Variants in TAFA4 observed in about 807,000 individuals in gnomAD.
The protein encoded by TAFA4 is TAFA chemokine like family member 4, also known as chemokine-like protein TAFA-4.
In TAFA4, 20 loss-of-function variants were observed where a neutral mutation model predicts 21.1. The ratio of observed to expected loss-of-function variants is 0.95; its 90% CI spans 0.67 to 1.38. The LOEUF (loss-of-function observed/expected upper bound fraction) is 1.38. Ranked by LOEUF, TAFA4 falls within the 40% of genes most tolerant of loss-of-function variation. TAFA4 has a pLI of 0.00. For missense variants in TAFA4, 211 were observed against 180.9 expected (o/e 1.17, Z -0.95); for synonymous variants, 71 against 67.4 (o/e 1.05, Z -0.26).
At chr3:68,790,911 C>A (rs1393997744) in intron 3 of TAFA4, among the ~76,000 whole-genome samples, 4 of 152,158 alleles carry the variant, frequency 2.6e-5, no homozygotes, top group Non-Finnish European at 5.9e-5. Context: ...TATGGCAACC[C>A]CCAATGTGTG....
Position 68,732,940 on chromosome 3 carries a change from G to T in TAFA4, c.*202C>A. The T allele has an allele frequency of 1.7e-6, 1 of 599,532 alleles. No individual in the cohort carries two copies. The highest frequency in any genetic ancestry group is 2.8e-6 in the Non-Finnish European group (1 of 351,806). 37.1% of individuals were successfully genotyped at this position (599,532 alleles called of 1,614,324 possible). On this transcript the variant is annotated 3_prime_UTR_variant, in exon 6 of 6. Coordinates refer to ENST00000295569, the MANE Select transcript of TAFA4 (RefSeq NM_182522.5). ...GGATGTCAAATGGGTGGTGGCTTGTGGTTATAATTCAATGAAATAAAATCA... is the reference window on the plus strand; with the variant it reads ...GGATGTCAAATGGGTGGTGGCTTGTTGTTATAATTCAATGAAATAAAATCA...
At chr3:68,823,476 T>TG (rs1704157979) in intron 3 of TAFA4, among the ~76,000 whole-genome samples, 1 of 152,202 alleles carries the variant, frequency 6.6e-6, no homozygotes, top group Non-Finnish European at 1.5e-5. Context: ...GGGGTACATG[T>TG]GCAGGACATA....
At chr3:68,834,948 T>G (rs1175160526) in intron 3 of TAFA4, among the ~76,000 whole-genome samples, 7 of 152,038 alleles carry the variant, frequency 4.6e-5, no homozygotes, top group Non-Finnish European at 1.0e-4. Flanking sequence ...TCTGTCTCCC[T>G]CTGCTCAAAA....
At chr3:68,907,003 C>T (rs1388104971) in intron 1 of TAFA4, among the ~76,000 whole-genome samples, 4 of 116,176 alleles carry the variant, frequency 3.4e-5, no homozygotes, top group South Asian at 5.9e-4. Context: ...TGCACTGCAA[C>T]CTGGGTGATA....
At chr3:68,747,366 T>C (rs1559757462) in intron 4 of TAFA4, among the ~76,000 whole-genome samples, 4 of 152,108 alleles carry the variant, frequency 2.6e-5, no homozygotes, top group African/African-American at 9.7e-5. Context: ...GTGCAAGGTA[T>C]TTGAATCATG....
intron 2 of TAFA4, among the ~76,000 whole-genome samples, chr3:68,884,830 C>T (rs561423434): frequency 1.1e-3 from 167 of 152,320 alleles, no homozygotes; most frequent in Non-Finnish European, 1.7e-3. Context: ...AATAAGTTCC[C>T]TGTCTCTAAA....
chr3:68,835,364 T>C (rs1174779089), intron 3 of TAFA4, among the ~76,000 whole-genome samples: 1 of 152,182 alleles, frequency 6.6e-6, no homozygotes, highest in Non-Finnish European at 1.5e-5. Context: ...GAGGGCAAAA[T>C]GTTTCCGCAG....
chr3:68,746,615 T>A (rs1046041282), intron 4 of TAFA4, among the ~76,000 whole-genome samples: 1 of 152,194 alleles, frequency 6.6e-6, no homozygotes, highest in African/African-American at 2.4e-5. Context: ...CCATACCAAC[T>A]TGACCCAGCT....
At chr3:68,812,945 T>C (rs944248822) in intron 3 of TAFA4, among the ~76,000 whole-genome samples, 2 of 152,046 alleles carry the variant, frequency 1.3e-5, no homozygotes, top group African/African-American at 4.8e-5. Context: ...CCTCAGCAAA[T>C]GTAAAAGAAC....
intron 3 of TAFA4, among the ~76,000 whole-genome samples, chr3:68,853,904 C>T (rs1394321638): frequency 6.6e-6 from 1 of 152,082 alleles, no homozygotes; most frequent in East Asian, 1.9e-4. Context: ...TGATGCCTGT[C>T]ATATTTTCAA....
At chr3:68,888,555 T>G (rs2106961455) in intron 1 of TAFA4, among the ~76,000 whole-genome samples, 1 of 152,270 alleles carries the variant, frequency 6.6e-6, no homozygotes, top group Middle Eastern at 3.4e-3. Context: ...GTACCAATTT[T>G]TTGCCTTAGT....
At chr3:68,926,507 A>G (rs2090109022) in intron 1 of TAFA4, among the ~76,000 whole-genome samples, 1 of 152,242 alleles carries the variant, frequency 6.6e-6, no homozygotes, top group South Asian at 2.1e-4. Context: ...GTTCCCCGAC[A>G]GAAATAAAGA....
intron 3 of TAFA4, among the ~76,000 whole-genome samples, chr3:68,753,868 G>A (rs1702609772): frequency 6.6e-6 from 1 of 152,210 alleles, no homozygotes; most frequent in Non-Finnish European, 1.5e-5. Flanking sequence ...TCCCCATAAA[G>A]GAATGCAGTC....
chr3:68,923,789 G>A (rs1443630719), intron 1 of TAFA4, among the ~76,000 whole-genome samples: 1 of 151,844 alleles, frequency 6.6e-6, no homozygotes, highest in Non-Finnish European at 1.5e-5. Flanking sequence ...ACCACGCCTG[G>A]GCCATATGCA....
chr3:68,766,104 C>G (rs1223881508), intron 3 of TAFA4, among the ~76,000 whole-genome samples: 1 of 151,706 alleles, frequency 6.6e-6, no homozygotes, highest in Non-Finnish European at 1.5e-5. Flanking sequence ...AGAAAAGCAC[C>G]TAAACATACC....
At chr3:68,831,387 G>A (rs1349786948) in intron 3 of TAFA4, among the ~76,000 whole-genome samples, 1 of 152,182 alleles carries the variant, frequency 6.6e-6, no homozygotes, top group African/African-American at 2.4e-5. Context: ...GCCTGGTGGT[G>A]ATAAAATCTC....
intron 3 of TAFA4, among the ~76,000 whole-genome samples, chr3:68,785,711 C>T (rs1278776877): frequency 1.3e-5 from 2 of 152,250 alleles, no homozygotes; most frequent in Non-Finnish European, 2.9e-5. Context: ...GAAAGGGACT[C>T]CCACAGTGCA....
At chr3:68,794,465 G>A (rs1703419571) in intron 3 of TAFA4, among the ~76,000 whole-genome samples, 1 of 152,052 alleles carries the variant, frequency 6.6e-6, no homozygotes. Context: ...TAAACAACAG[G>A]GACAGCTCTA....
chr3:68,751,604 C>T (rs893471834), intron 4 of TAFA4, among the ~76,000 whole-genome samples: 2 of 152,044 alleles, frequency 1.3e-5, no homozygotes, highest in Admixed American at 6.6e-5. Flanking sequence ...AATAGGTTGA[C>T]AATCCTTTAT....
Sources: gnomAD v4.1 joint callset for allele counts (sites outside exome capture counted in the v4.1 genomes callset) on GRCh38, gnomAD v4.1.1 for gene constraint, MANE v1.5 for transcripts, NCBI Gene and HGNC (gene_info 2026-07-23, HGNC 2026-07-21) for gene names.